Variants in AP3B1 observed in about 807,000 individuals in gnomAD.
The protein encoded by AP3B1 is AP-3 complex subunit beta-1.
Under a neutral mutation model 132.5 loss-of-function variants are expected in AP3B1, and 61 were observed. The ratio of observed to expected loss-of-function variants is 0.46; its 90% CI spans 0.37 to 0.57. AP3B1 has a LOEUF of 0.57. AP3B1 is among the 20% of genes least tolerant of loss of function. AP3B1 has a pLI of 0.00. For missense variants in AP3B1, 1,120 were observed against 1,289.4 expected (o/e 0.87, Z 2.01); for synonymous variants, 388 against 438.3 (o/e 0.89, Z 1.43).
chr5:78,073,178 G>A (rs7708388), intron 22 of AP3B1, among the ~76,000 whole-genome samples: 5,226 of 152,062 alleles, frequency 0.034, 317 homozygotes, highest in African/African-American at 0.12. Context: ...CTCTTCCTTC[G>A]AAGAGAAATA....
intron 15 of AP3B1, among the ~76,000 whole-genome samples, chr5:78,133,492 T>C (rs908918110): frequency 6.6e-6 from 1 of 152,202 alleles, no homozygotes; most frequent in African/African-American, 2.4e-5. Flanking sequence ...ATATTAGTGA[T>C]ATTACTTCAT....
At chr5:78,252,410 T>A (rs1030052846) in intron 2 of AP3B1, among the ~76,000 whole-genome samples, 6 of 152,200 alleles carry the variant, frequency 3.9e-5, no homozygotes, top group African/African-American at 1.4e-4. Context: ...GACTTGGCTC[T>A]TGGACAGCAT....
chr5:78,073,534 T>C (rs1039024334), intron 22 of AP3B1, among the ~76,000 whole-genome samples: 6 of 152,238 alleles, frequency 3.9e-5, no homozygotes, highest in Non-Finnish European at 8.8e-5. Context: ...TGTGTGACTA[T>C]GAACTGCCTT....
chr5:78,283,099 T>G (rs760475113), intron 1 of AP3B1, among the ~76,000 whole-genome samples: 7 of 152,232 alleles, frequency 4.6e-5, no homozygotes, highest in Non-Finnish European at 1.0e-4. Flanking sequence ...TACCAGGCAC[T>G]ATTTACATAT....
intron 7 of AP3B1, among the ~76,000 whole-genome samples, chr5:78,206,279 A>T (rs1482377016): frequency 6.6e-6 from 1 of 152,190 alleles, no homozygotes; most frequent in Non-Finnish European, 1.5e-5. Flanking sequence ...TGATCAAACT[A>T]AAATAGACCA....
intron 1 of AP3B1, among the ~76,000 whole-genome samples, chr5:78,291,782 A>G (rs546252828): frequency 6.6e-6 from 1 of 152,292 alleles, no homozygotes; most frequent in South Asian, 2.1e-4. Context: ...TACTTGAGGA[A>G]AAAAATGCTT....
chr5:78,120,298 A>C (rs528233557), intron 17 of AP3B1, among the ~76,000 whole-genome samples: 264 of 152,348 alleles, frequency 1.7e-3, no homozygotes, highest in African/African-American at 5.9e-3. Context: ...CGAGCAAAAT[A>C]ACCAGCTAAC....
intron 7 of AP3B1, among the ~76,000 whole-genome samples, chr5:78,210,489 T>C (rs776376382): frequency 6.6e-5 from 10 of 152,306 alleles, no homozygotes; most frequent in East Asian, 1.9e-4. Flanking sequence ...GGTTTTATAA[T>C]TGATGTACAG....
chr5:78,216,058 T>C lies in AP3B1; in HGVS notation c.783A>G (p.Lys261=), dbSNP rs1257175453. The C allele has an allele frequency of 6.2e-7, 1 of 1,614,018 alleles. No homozygotes were observed. The highest frequency in any genetic ancestry group is 8.5e-7 in the Non-Finnish European group (1 of 1,179,868). Residue 261 remains lysine, a synonymous_variant, in exon 7 of 27, where the codon AAA becomes AAG. Coordinates refer to ENST00000255194, the MANE Select transcript of AP3B1 (RefSeq NM_003664.5). ...TGGAAGACTGTTCAACACTTACCTCTTTCCAAGGGCTGACAAACTGTGTCC... is the reference window on the plus strand; with the variant it reads ...TGGAAGACTGTTCAACACTTACCTCCTTCCAAGGGCTGACAAACTGTGTCC... ...YARTQFVSPW[K]EGDELEDNGK...
At chr5:78,213,174 C>A (rs190050948) in intron 7 of AP3B1, among the ~76,000 whole-genome samples, 10 of 152,078 alleles carry the variant, frequency 6.6e-5, no homozygotes, top group Non-Finnish European at 1.3e-4. Context: ...CCACCGCGCC[C>A]GGCCTCGTCT....
chr5:78,196,473 CAAAGT>C (rs1482729789), intron 7 of AP3B1, among the ~76,000 whole-genome samples: 2 of 152,214 alleles, frequency 1.3e-5, no homozygotes, highest in East Asian at 3.9e-4. Flanking sequence ...AGTTTCTTAC[CAAAGT>C]AAACATACTC....
chr5:78,144,251 GA>G lies in AP3B1; in HGVS notation c.1474-2933del, dbSNP rs565591402. ...CCTGATTCTTTATTCTAAATGCCCT[GA>G]GAAAGTGATTAAATGCACTTTTCAA... On this transcript the variant is annotated intron_variant, in intron 14 of 26. Transcript: ENST00000255194. Among the ~76,000 whole-genome samples the G allele has an allele frequency of 1.0e-3, 156 of 152,254 alleles. 1 individual carries two copies. Among genetic ancestry groups the G allele is most frequent in the Middle Eastern group, 3.4e-3 (1 of 294 alleles).
intron 22 of AP3B1, among the ~76,000 whole-genome samples, chr5:78,056,533 C>T (rs1748822051): frequency 6.6e-6 from 1 of 152,136 alleles, no homozygotes; most frequent in African/African-American, 2.4e-5. Flanking sequence ...TGGAAAAATG[C>T]TTTTATAACA....
intron 7 of AP3B1, among the ~76,000 whole-genome samples, chr5:78,191,354 C>CAAAAAAAAAAAAAAA (rs34733864): frequency 5.6e-4 from 41 of 72,844 alleles, no homozygotes; most frequent in African/African-American, 2.2e-3. Flanking sequence ...TGCTTTTCCC[C>CAAAAAAAAAAAAAAA]AAAAAAAAAA....
intron 22 of AP3B1, among the ~76,000 whole-genome samples, chr5:78,073,951 T>A (rs556482611): frequency 8.5e-5 from 13 of 152,286 alleles, no homozygotes; most frequent in African/African-American, 3.1e-4. Flanking sequence ...TTTTTTTGGG[T>A]GACCTGGGTT....
chr5:78,100,888 G>T, intron 21 of AP3B1, 65 bp downstream of exon 21: 1 of 923,532 alleles, frequency 1.1e-6, no homozygotes, highest in Non-Finnish European at 1.7e-6. Flanking sequence ...TAAATGAAAG[G>T]TACTATAAAA....
At chr5:78,131,896 T>C (rs961782190) in intron 15 of AP3B1, among the ~76,000 whole-genome samples, 1 of 152,124 alleles carries the variant, frequency 6.6e-6, no homozygotes, top group Admixed American at 6.5e-5. Context: ...CTTTAAATAA[T>C]CCAAACAATT....
chr5:78,140,033 T>C (rs2112324344), intron 15 of AP3B1, among the ~76,000 whole-genome samples: 1 of 152,180 alleles, frequency 6.6e-6, no homozygotes, highest in South Asian at 2.1e-4. Flanking sequence ...AGCATAAAGC[T>C]TCCCAAGAAG....
chr5:78,212,707 T>TACTG (rs1407399546), intron 7 of AP3B1, among the ~76,000 whole-genome samples: 1 of 152,062 alleles, frequency 6.6e-6, no homozygotes, highest in Non-Finnish European at 1.5e-5. Context: ...TCTGCTAGAG[T>TACTG]ACTGTTTCAC....
Sources: gnomAD v4.1 joint callset for allele counts (sites outside exome capture counted in the v4.1 genomes callset) on GRCh38, gnomAD v4.1.1 for gene constraint, MANE v1.5 for transcripts, NCBI Gene and HGNC (gene_info 2026-07-23, HGNC 2026-07-21) for gene names.